Variants in RASGRF2 observed in about 807,000 individuals in gnomAD.
RASGRF2 encodes the protein Ras protein specific guanine nucleotide releasing factor 2.
A neutral mutation model predicts 151.0 loss-of-function variants in RASGRF2; 76 were observed. The ratio of observed to expected loss-of-function variants is 0.50; its 90% CI spans 0.42 to 0.61. The LOEUF (loss-of-function observed/expected upper bound fraction) is 0.61, where lower values mean the gene tolerates loss of function less well. Ranked by LOEUF, RASGRF2 falls within the 20% of genes least tolerant of loss-of-function variation. The probability of loss-of-function intolerance (pLI) is 0.00; values close to 1 mark genes in which losing one functional copy is unlikely to be tolerated. For missense variants in RASGRF2, 1,148 were observed against 1,564.6 expected, an observed-to-expected ratio of 0.73 and a Z score of 4.49; for synonymous variants, 504 against 566.5, an observed-to-expected ratio of 0.89 and a Z score of 1.57.
At chr5:81,087,996 A>G (rs1388552094) in intron 9 of RASGRF2, 1 of 152,278 alleles carries the variant, frequency 6.6e-6, no homozygotes, top group East Asian at 1.9e-4. Context: ...ATTTATTTAC[A>G]AGGAGAAACC....
At chr5:81,217,551 T>A in intron 25 of RASGRF2, 78 bp downstream of exon 25, 1 of 969,150 alleles carries the variant, frequency 1.0e-6, no homozygotes, top group Non-Finnish European at 1.4e-6. Context: ...TAAAAGTCAA[T>A]GTCTGCTTTT....
intron 17 of RASGRF2, among the ~76,000 whole-genome samples, chr5:81,177,154 C>T (rs576327694): frequency 6.6e-6 from 1 of 152,204 alleles, no homozygotes; most frequent in Non-Finnish European, 1.5e-5. Context: ...TTTCAGATCC[C>T]TCTGTGTGTT....
rs116069501 is a variant in RASGRF2 at position 81,202,776 on chromosome 5, G to A, written c.2906+1334G>A. 1.9e-4 allele frequency among the ~76,000 whole-genome samples: 29 copies of A among 152,360 alleles called. No homozygotes were observed. The South Asian group carries it at 4.8e-3, about 25-fold the overall frequency. Reference sequence around the variant, plus strand: ...AAGTCAACCATGGAAGACAGACACAGACAATGCCATCTGAAGATGGAGGCA... The same window carrying A: ...AAGTCAACCATGGAAGACAGACACAAACAATGCCATCTGAAGATGGAGGCA... On this transcript the variant is annotated intron_variant, in intron 19 of 26. Coordinates refer to ENST00000265080, the MANE Select transcript of RASGRF2 (RefSeq NM_006909.3).
At chr5:81,189,181 C>T (rs1234641895) in intron 18 of RASGRF2, among the ~76,000 whole-genome samples, 1 of 152,144 alleles carries the variant, frequency 6.6e-6, no homozygotes, top group African/African-American at 2.4e-5. Flanking sequence ...GCAGGAAGTA[C>T]AGTCAGAGCT....
intron 8 of RASGRF2, 79 bp from the exon 9 acceptor site, chr5:81,086,756 A>C (rs1752239539): frequency 9.4e-6 from 11 of 1,165,580 alleles, no homozygotes; most frequent in Non-Finnish European, 1.4e-5. Flanking sequence ...CGAGCTTCTC[A>C]GATGGAGCTC....
chr5:81,192,610 A>T (rs1298799186), intron 18 of RASGRF2, among the ~76,000 whole-genome samples: 1 of 152,328 alleles, frequency 6.6e-6, no homozygotes, highest in East Asian at 1.9e-4. Flanking sequence ...CTCTCATCCC[A>T]GGTTTTAGCC....
chr5:81,180,682 A>G (rs1259037210), intron 18 of RASGRF2, among the ~76,000 whole-genome samples: 2 of 106,240 alleles, frequency 1.9e-5, no homozygotes, highest in Non-Finnish European at 3.7e-5. Context: ...CCCGCCCCCC[A>G]CCCAGCTAGA....
chr5:81,202,485 A>T (rs1755419576), intron 19 of RASGRF2, among the ~76,000 whole-genome samples: 1 of 152,198 alleles, frequency 6.6e-6, no homozygotes, highest in Admixed American at 6.5e-5. Flanking sequence ...ATGTGTTAGC[A>T]ACTGGCCTGT....
chr5:80,968,871 A>T (rs1747810499), intron 1 of RASGRF2, among the ~76,000 whole-genome samples: 1 of 151,550 alleles, frequency 6.6e-6, no homozygotes, highest in East Asian at 2.0e-4. Context: ...TTTTTTGGAG[A>T]TGGGGTCTCC....
At chr5:81,118,553 C>T (rs949172815) in intron 15 of RASGRF2, among the ~76,000 whole-genome samples, 1 of 152,200 alleles carries the variant, frequency 6.6e-6, no homozygotes, top group African/African-American at 2.4e-5. Flanking sequence ...TGAATAACAC[C>T]TGGCTCTCTT....
chr5:81,129,492 T>A (rs1445934867), intron 17 of RASGRF2, among the ~76,000 whole-genome samples: 1 of 152,240 alleles, frequency 6.6e-6, no homozygotes, highest in Non-Finnish European at 1.5e-5. Flanking sequence ...GACCACATTC[T>A]GTTTCTTTAG....
intron 5 of RASGRF2, among the ~76,000 whole-genome samples, chr5:81,074,123 A>G (rs16878400): frequency 0.16 from 24,016 of 152,158 alleles, 2,332 homozygotes; most frequent in East Asian, 0.43. Flanking sequence ...CTAAGACAGG[A>G]CCTGAGAAGC....
intron 2 of RASGRF2, among the ~76,000 whole-genome samples, chr5:81,054,690 G>A (rs1486917902): frequency 8.4e-6 from 1 of 119,262 alleles, no homozygotes; most frequent in African/African-American, 3.3e-5. Context: ...GATGGGGATG[G>A]CATTGAATGT....
intron 1 of RASGRF2, among the ~76,000 whole-genome samples, chr5:81,023,506 A>G (rs974685059): frequency 6.6e-6 from 1 of 152,192 alleles, no homozygotes; most frequent in African/African-American, 2.4e-5. Flanking sequence ...CTAGACATAC[A>G]AGACTCTTTG....
At chr5:80,996,835 A>G (rs1280447231) in intron 1 of RASGRF2, among the ~76,000 whole-genome samples, 2 of 151,466 alleles carry the variant, frequency 1.3e-5, no homozygotes, top group African/African-American at 4.9e-5. Flanking sequence ...CCTGGCCTCA[A>G]GTGATCCACC....
At chr5:80,974,335 T>C (rs1274073151) in intron 1 of RASGRF2, among the ~76,000 whole-genome samples, 1 of 152,244 alleles carries the variant, frequency 6.6e-6, no homozygotes, top group East Asian at 1.9e-4. Context: ...TACCCCCGAA[T>C]GAAGCAAGAA....
intron 2 of RASGRF2, among the ~76,000 whole-genome samples, chr5:81,064,265 A>G (rs917300447): frequency 7.2e-5 from 11 of 152,160 alleles, no homozygotes; most frequent in Admixed American, 6.5e-5. Context: ...TACAGTGTCT[A>G]CTTTATTCAT....
chr5:81,178,510 A>T (rs2112671597), intron 17 of RASGRF2, among the ~76,000 whole-genome samples: 1 of 152,342 alleles, frequency 6.6e-6, no homozygotes, highest in African/African-American at 2.4e-5. Context: ...CTCAGAGAAG[A>T]GATCTGGAGA....
chr5:81,170,165 G>A (rs546910213), intron 17 of RASGRF2, among the ~76,000 whole-genome samples: 2 of 151,758 alleles, frequency 1.3e-5, no homozygotes, highest in South Asian at 4.2e-4. Flanking sequence ...TGCATCACTT[G>A]CAGCACCTGC....
Sources: allele counts gnomAD v4.1 joint callset (sites outside exome capture counted in the v4.1 genomes callset), GRCh38; gene constraint gnomAD v4.1.1; transcripts MANE v1.5; gene names NCBI Gene and HGNC (gene_info 2026-07-23, HGNC 2026-07-21).